ADCY1: variants seen among roughly 807,000 people sequenced by gnomAD.
The protein encoded by ADCY1 is adenylate cyclase 1.
A neutral mutation model predicts 105.4 loss-of-function variants in ADCY1; 28 were observed. The observed-to-expected ratio is 0.27, with a 90% CI of 0.20 to 0.36. The LOEUF (loss-of-function observed/expected upper bound fraction) is 0.36. Among genes scored for constraint, ADCY1 ranks in the 10% least tolerant of loss-of-function variants. The probability of loss-of-function intolerance (pLI) is 1.00; values close to 1 mark genes in which losing one functional copy is unlikely to be tolerated. For synonymous variants in ADCY1, 655 were observed against 623.8 expected, an observed-to-expected ratio of 1.05 and a Z score of -0.75; for missense variants, 977 against 1,434.2, an observed-to-expected ratio of 0.68 and a Z score of 5.15.
chr7:45,654,040 T>C (rs1459703666), intron 5 of ADCY1, among the ~76,000 whole-genome samples: 2 of 152,168 alleles, frequency 1.3e-5, no homozygotes, highest in Admixed American at 1.3e-4. Context: ...CATCTCTGAG[T>C]TGTTTTGATA....
intron 2 of ADCY1, among the ~76,000 whole-genome samples, chr7:45,602,055 T>G (rs1004418655): frequency 3.3e-5 from 5 of 151,998 alleles, no homozygotes; most frequent in African/African-American, 1.2e-4. Context: ...ATCAGGGCTT[T>G]GAGGGATGTG....
chr7:45,644,289 G>A (rs1794601615), intron 4 of ADCY1, among the ~76,000 whole-genome samples: 1 of 152,220 alleles, frequency 6.6e-6, no homozygotes, highest in African/African-American at 2.4e-5. Context: ...GGATCTTCCT[G>A]AGCCACTGAC....
At chr7:45,671,012 G>T (rs1400532138) in intron 8 of ADCY1, among the ~76,000 whole-genome samples, 1 of 152,232 alleles carries the variant, frequency 6.6e-6, no homozygotes, top group Non-Finnish European at 1.5e-5. Context: ...GTCAAGGTCT[G>T]CTTGTTTGGG....
chr7:45,685,585 G>A (rs1223540430), intron 12 of ADCY1, among the ~76,000 whole-genome samples: 1 of 151,320 alleles, frequency 6.6e-6, no homozygotes, highest in African/African-American at 2.4e-5. Context: ...CAGAGCTGGG[G>A]GCAGGAGGAA....
intron 6 of ADCY1, among the ~76,000 whole-genome samples, chr7:45,659,786 C>G (rs917468401): frequency 1.3e-4 from 20 of 152,232 alleles, no homozygotes; most frequent in African/African-American, 4.8e-4. Flanking sequence ...TTCCTCTGCT[C>G]TCCCTCTGGC....
chr7:45,713,139 A>G (rs974866601), intron 19 of ADCY1, among the ~76,000 whole-genome samples: 1 of 151,974 alleles, frequency 6.6e-6, no homozygotes, highest in Non-Finnish European at 1.5e-5. Context: ...TCTGCCCCCT[A>G]CATTCTGTAT....
intron 5 of ADCY1, among the ~76,000 whole-genome samples, chr7:45,655,231 G>A (rs926200266): frequency 6.6e-6 from 1 of 152,152 alleles, no homozygotes. Flanking sequence ...ATTTACTCAC[G>A]CCAAGGGGCC....
At chr7:45,602,642 T>G (rs991939980) in intron 2 of ADCY1, among the ~76,000 whole-genome samples, 1 of 152,210 alleles carries the variant, frequency 6.6e-6, no homozygotes, top group African/African-American at 2.4e-5. Flanking sequence ...GGCTGGCCAA[T>G]GGACAGCACC....
In ADCY1 at chr7:45,703,140, T is replaced by A. The variant is rs937075897; in HGVS notation, c.2455-236T>A. On this transcript the variant is annotated intron_variant, in intron 14 of 19. Coordinates refer to ENST00000297323, the MANE Select transcript of ADCY1 (RefSeq NM_021116.4). The surrounding 1 kb of genome is among the most constrained non-coding windows in gnomAD (Gnocchi z 5.9). ...CCCTGGAAATGAGGTGAAGCCATAGTTTGTCCTTTGGACATTCTAGCAGAT... is the reference window on the plus strand; with the variant it reads ...CCCTGGAAATGAGGTGAAGCCATAGATTGTCCTTTGGACATTCTAGCAGAT... Among the ~76,000 whole-genome samples the A allele has an allele frequency of 2.5e-4, 38 of 152,124 alleles. 1 individual carries two copies. Among genetic ancestry groups the A allele is most frequent in the African/African-American group, 8.9e-4 (37 of 41,430 alleles).
chr7:45,667,686 T>G (rs1784287378), intron 8 of ADCY1, among the ~76,000 whole-genome samples: 1 of 152,260 alleles, frequency 6.6e-6, no homozygotes, highest in Non-Finnish European at 1.5e-5. Context: ...GGTAGCTTGA[T>G]GGGGATGGCA....
chr7:45,635,140 T>TG (rs1794365376), intron 4 of ADCY1, among the ~76,000 whole-genome samples: 1 of 150,526 alleles, frequency 6.6e-6, no homozygotes, highest in East Asian at 1.9e-4. Context: ...TGAGGTCAGT[T>TG]TTTTTTTTTT....
chr7:45,617,899 T>C (rs1240807198), intron 3 of ADCY1, among the ~76,000 whole-genome samples: 2 of 152,172 alleles, frequency 1.3e-5, no homozygotes, highest in Non-Finnish European at 2.9e-5. Flanking sequence ...CATGTGTTAC[T>C]ACAGAAGACC....
Position 45,721,965 on chromosome 7 carries a change from G to C in ADCY1, c.*7970G>C, listed in dbSNP as rs73320931. On this transcript the variant is annotated 3_prime_UTR_variant, in exon 20 of 20. Coordinates refer to ENST00000297323, the MANE Select transcript of ADCY1 (RefSeq NM_021116.4). ...ATCTTGTGGGCTGAATAAATATCTC[G>C]TGCAGGACTGTGCAACAGTAGCCCA... is the stretch of plus-strand genomic sequence containing the variant. The C allele has an allele frequency of 7.6e-6, 3 of 396,750 alleles. No individual in the cohort carries two copies. The Admixed American group carries it at 1.3e-4, about 18-fold the overall frequency. The allele number at this position is 396,750 out of a possible 1,614,324, so 24.6% of individuals were successfully genotyped here.
chr7:45,701,806 A>G (rs1584342080), intron 14 of ADCY1, among the ~76,000 whole-genome samples: 1 of 152,318 alleles, frequency 6.6e-6, no homozygotes, highest in East Asian at 1.9e-4. Flanking sequence ...CTGTGCCCAG[A>G]CAGCCGCTGC....
Position 45,575,436 on chromosome 7 carries a change from G to A in ADCY1, c.639+254G>A, listed in dbSNP as rs572378362. 2.2e-4 allele frequency among the ~76,000 whole-genome samples: 34 copies of A among 152,390 alleles called. No homozygotes were observed. In the East Asian group the frequency reaches 5.6e-3, roughly 25 times the overall value. On this transcript the variant is annotated intron_variant, in intron 1 of 19. Coordinates refer to ENST00000297323, the MANE Select transcript of ADCY1 (RefSeq NM_021116.4). The surrounding 1 kb of genome is among the most constrained non-coding windows in gnomAD (Gnocchi z 4.7). ...AAGTGTGGAGAGGGGAGACAGGTGT[G>A]GAGAGAGAAAGGTTTGGCCAAGGTC...
chr7:45,609,473 G>A (rs1175666920), intron 2 of ADCY1, among the ~76,000 whole-genome samples: 2 of 152,242 alleles, frequency 1.3e-5, no homozygotes, highest in African/African-American at 2.4e-5. Context: ...CGCGGTGGGA[G>A]GGATGGAGCT....
At chr7:45,599,197 C>G (rs1250143992) in intron 2 of ADCY1, among the ~76,000 whole-genome samples, 1 of 152,112 alleles carries the variant, frequency 6.6e-6, no homozygotes, top group Non-Finnish European at 1.5e-5. Flanking sequence ...GGTCATATGG[C>G]CTCCTGGAGC....
intron 3 of ADCY1, among the ~76,000 whole-genome samples, chr7:45,610,843 G>GGTGATAGTGGAGGT (rs1793546475): frequency 9.3e-5 from 11 of 118,208 alleles, no homozygotes; most frequent in East Asian, 5.2e-4. Context: ...GAGGTGTGGA[G>GGTGATAGTGGAGGT]GCGATATTGG....
At chr7:45,583,545 C>G (rs1052384737) in intron 1 of ADCY1, among the ~76,000 whole-genome samples, 18 of 152,238 alleles carry the variant, frequency 1.2e-4, no homozygotes, top group African/African-American at 4.3e-4. Flanking sequence ...GAAGTAGACT[C>G]TTCAGCCTTT....
Sources: gnomAD v4.1 joint callset for allele counts (sites outside exome capture counted in the v4.1 genomes callset) on GRCh38, gnomAD v4.1.1 for gene constraint, Gnocchi (gnomAD v3.1) non-coding constraint, MANE v1.5 for transcripts, NCBI Gene and HGNC (gene_info 2026-07-23, HGNC 2026-07-21) for gene names.